The following SLC25A12 variants were observed in gnomAD, a reference collection of about 807,000 sequenced individuals.
The protein encoded by SLC25A12 is solute carrier family 25 member 12, also known as electrogenic aspartate/glutamate antiporter SLC25A12, mitochondrial.
SLC25A12 carries 32 observed loss-of-function variants against 83.3 expected under a neutral mutation model. The ratio of observed to expected loss-of-function variants is 0.38; its 90% CI spans 0.29 to 0.52. The LOEUF is 0.52. SLC25A12 is among the 20% of genes least tolerant of loss of function. The pLI, the probability that SLC25A12 is intolerant of heterozygous loss-of-function variation, is 0.84. For synonymous variants in SLC25A12, 267 were observed against 291.1 expected (o/e 0.92, Z 0.84); for missense variants, 611 against 835.6 (o/e 0.73, Z 3.31).
intron 2 of SLC25A12, among the ~76,000 whole-genome samples, chr2:171,881,829 T>C (rs1013704779): frequency 2.0e-5 from 3 of 151,670 alleles, no homozygotes; most frequent in Admixed American, 6.6e-5. Context: ...TAATGAGCCA[T>C]GGGATGGGAG....
intron 2 of SLC25A12, among the ~76,000 whole-genome samples, chr2:171,881,149 TG>T (rs201896791): frequency 4.6e-5 from 7 of 151,562 alleles, no homozygotes; most frequent in African/African-American, 1.5e-4. Flanking sequence ...TTTCTTTTTT[TG>T]TTGTTGTTGT....
chr2:171,885,122 A>G (rs1207338984), intron 2 of SLC25A12, among the ~76,000 whole-genome samples: 1 of 150,422 alleles, frequency 6.6e-6, no homozygotes, highest in Non-Finnish European at 1.5e-5. Flanking sequence ...CTGAGGCAGG[A>G]GAATGGCGTG....
At chr2:171,863,715 T>C (rs1685219130) in intron 3 of SLC25A12, among the ~76,000 whole-genome samples, 1 of 152,146 alleles carries the variant, frequency 6.6e-6, no homozygotes, top group Non-Finnish European at 1.5e-5. Flanking sequence ...TAACAATAAA[T>C]ACTCTGATAA....
intron 3 of SLC25A12, among the ~76,000 whole-genome samples, chr2:171,867,147 G>C (rs1343956451): frequency 1.3e-5 from 2 of 151,092 alleles, no homozygotes; most frequent in Admixed American, 1.3e-4. Flanking sequence ...TCACTTTCCA[G>C]ACTGGGCAGC....
intron 3 of SLC25A12, among the ~76,000 whole-genome samples, chr2:171,864,583 A>G (rs1685243587): frequency 6.6e-6 from 1 of 152,196 alleles, no homozygotes; most frequent in Admixed American, 6.5e-5. Flanking sequence ...CTCCATTGCC[A>G]TTCACTAATG....
At chr2:171,834,897 A>G in intron 6 of SLC25A12, 32 bp from the exon 7 acceptor site, 10 of 1,604,388 alleles carry the variant, frequency 6.2e-6, no homozygotes, top group Non-Finnish European at 8.5e-6. Context: ...AGTTTAAAAA[A>G]CAAACAAAAA....
At chr2:171,877,555 C>T (rs1685596849) in intron 2 of SLC25A12, among the ~76,000 whole-genome samples, 1 of 151,668 alleles carries the variant, frequency 6.6e-6, no homozygotes, top group South Asian at 2.1e-4. Context: ...ATCCCAGCTA[C>T]TCGAGAGGCG....
chr2:171,886,257 GTC>G (rs1685815292), intron 2 of SLC25A12, among the ~76,000 whole-genome samples: 1 of 130,982 alleles, frequency 7.6e-6, no homozygotes, highest in African/African-American at 2.9e-5. Context: ...TTGAGACAGA[GTC>G]TCACTCTGTC....
intron 9 of SLC25A12, among the ~76,000 whole-genome samples, chr2:171,824,300 GA>G (rs1398372916): frequency 6.6e-6 from 1 of 152,174 alleles, no homozygotes; most frequent in Non-Finnish European, 1.5e-5. Flanking sequence ...TAAGGATGAA[GA>G]AATGTGAAGG....
intron 2 of SLC25A12, among the ~76,000 whole-genome samples, chr2:171,869,250 A>C (rs1454260177): frequency 6.6e-6 from 1 of 152,248 alleles, no homozygotes; most frequent in Non-Finnish European, 1.5e-5. Context: ...CTGGAATTAG[A>C]TAGTGGTAAC....
At chr2:171,860,048 CA>C (rs1406202197) in intron 3 of SLC25A12, among the ~76,000 whole-genome samples, 1 of 152,140 alleles carries the variant, frequency 6.6e-6, no homozygotes, top group East Asian at 1.9e-4. Context: ...GGATTACAGC[CA>C]TGAGCCACTG....
intron 9 of SLC25A12, among the ~76,000 whole-genome samples, chr2:171,826,565 C>T (rs377193221): frequency 2.6e-5 from 4 of 152,118 alleles, no homozygotes; most frequent in South Asian, 2.1e-4. Flanking sequence ...GCCGAGATCA[C>T]GCCATTGCAC....
chr2:171,808,848 A>T, intron 13 of SLC25A12, among the ~76,000 whole-genome samples: 15 of 144,112 alleles, frequency 1.0e-4, no homozygotes, highest in African/African-American at 3.8e-4. Context: ...CTCTCCCCCA[A>T]CCCCCAACCC....
intron 3 of SLC25A12, among the ~76,000 whole-genome samples, chr2:171,865,855 T>G (rs559544228): frequency 1.3e-5 from 2 of 152,018 alleles, no homozygotes; most frequent in South Asian, 4.2e-4. Flanking sequence ...AAAAAAAATT[T>G]TTTTTAATTG....
At chr2:171,882,153 C>T (rs1042078073) in intron 2 of SLC25A12, among the ~76,000 whole-genome samples, 1 of 152,166 alleles carries the variant, frequency 6.6e-6, no homozygotes, top group African/African-American at 2.4e-5. Flanking sequence ...TTTCCAATCC[C>T]TTATATGCTA....
chr2:171,799,219 G>A (rs574599963), intron 13 of SLC25A12, among the ~76,000 whole-genome samples: 2 of 152,256 alleles, frequency 1.3e-5, no homozygotes, highest in African/African-American at 2.4e-5. Context: ...TTACTCCATC[G>A]AAGGTATTTT....
At chr2:171,793,901 G>A in intron 13 of SLC25A12, 134 bp from the exon 14 acceptor site, 1 of 1,029,354 alleles carries the variant, frequency 9.7e-7, no homozygotes, top group East Asian at 2.5e-5. Context: ...TCCTCAGGGG[G>A]GAATGACAGT....
At chr2:171,862,427 C>G (rs1685181830) in intron 3 of SLC25A12, among the ~76,000 whole-genome samples, 1 of 152,308 alleles carries the variant, frequency 6.6e-6, no homozygotes, top group African/African-American at 2.4e-5. Context: ...TTTTAGACAA[C>G]TGATTGTGCT....
intron 2 of SLC25A12, among the ~76,000 whole-genome samples, chr2:171,887,839 T>C (rs1294282412): frequency 6.6e-6 from 1 of 151,958 alleles, no homozygotes; most frequent in East Asian, 1.9e-4. Flanking sequence ...CTTGGCAGAG[T>C]GGAGGTGGGC....
Sources: gnomAD v4.1 joint callset for allele counts (sites outside exome capture counted in the v4.1 genomes callset) on GRCh38, gnomAD v4.1.1 for gene constraint, MANE v1.5 for transcripts, NCBI Gene and HGNC (gene_info 2026-07-23, HGNC 2026-07-21) for gene names.